The following SZT2 variants were observed in gnomAD, a reference collection of about 807,000 sequenced individuals.
SZT2 encodes the protein SZT2 subunit of KICSTOR complex, also known as KICSTOR complex protein SZT2.
In SZT2, 216 loss-of-function variants were observed where a neutral mutation model predicts 404.2. The observed-to-expected ratio is 0.53, with a 90% CI of 0.48 to 0.60. The LOEUF (loss-of-function observed/expected upper bound fraction) is 0.60, where lower values mean the gene tolerates loss of function less well. Among genes scored for constraint, SZT2 ranks in the 20% least tolerant of loss-of-function variants. The pLI is 0.00. For synonymous variants in SZT2, 1,693 were observed against 1,749.9 expected (o/e 0.97, Z 0.81); for missense variants, 3,857 against 4,459.2 (o/e 0.86, Z 3.85).
rs1029458781 is a variant in SZT2, at chr1:43,452,934, C to G, written c.*2454C>G. 6.2e-7 allele frequency: 1 copy of G among 1,608,392 alleles called. No homozygotes were observed. ...AGCCTCAGGAACGCTGCCAAATACA[C>G]CAGGCCTCCTCTTGCCACAGCACCC... On this transcript the variant is annotated 3_prime_UTR_variant, in exon 72 of 72. Transcript: ENST00000634258.
At chr1:43,393,814 T>A (rs1222583470) in intron 1 of SZT2, among the ~76,000 whole-genome samples, 1 of 152,224 alleles carries the variant, frequency 6.6e-6, no homozygotes, top group Non-Finnish European at 1.5e-5. Flanking sequence ...TTGGTATAAA[T>A]GGTATGTAGA....
intron 6 of SZT2, among the ~76,000 whole-genome samples, 170 bp downstream of exon 6, chr1:43,416,271 C>T (rs2153931588): frequency 6.6e-6 from 1 of 152,228 alleles, no homozygotes; most frequent in African/African-American, 2.4e-5. Flanking sequence ...GAACCCTCGA[C>T]TCTGACAACC....
At chr1:43,401,547 T>C (rs902744004) in intron 1 of SZT2, among the ~76,000 whole-genome samples, 2 of 152,014 alleles carry the variant, frequency 1.3e-5, no homozygotes, top group Admixed American at 6.6e-5. Flanking sequence ...AGTGCAGTGG[T>C]GTGATCTCGG....
chr1:43,429,610 A>G (rs780142857), intron 28 of SZT2, 93 bp from the exon 29 acceptor site: 54 of 1,532,086 alleles, frequency 3.5e-5, no homozygotes, highest in Non-Finnish European at 4.5e-5. Flanking sequence ...CTGTGGACAA[A>G]AAGGCTTCCT....
intron 1 of SZT2, among the ~76,000 whole-genome samples, chr1:43,401,765 C>T (rs191792320): frequency 3.4e-4 from 52 of 152,354 alleles, no homozygotes; most frequent in Non-Finnish European, 4.4e-4. Flanking sequence ...GGATTACAGG[C>T]ATGAGCCACT....
rs755978530 is a variant in SZT2 at position 43,442,154 on chromosome 1, G to A, written c.7873+24G>A. 111 of 1,571,952 alleles carry A rather than the reference G, an allele frequency of 7.1e-5. No homozygotes were observed. Among genetic ancestry groups the A allele is most frequent in the Non-Finnish European group, 9.1e-5 (104 of 1,144,524 alleles). ...GGGTGAGGGCATGGCCCGGGGGGGC[G>A]GGGGGCGGGTAGGCTAAGAGTAACT... On this transcript the variant is annotated intron_variant, in intron 56 of 71. Transcript: ENST00000634258. This position sits in a 1 kb window ranked among gnomAD's most constrained non-coding sequence, Gnocchi z 4.5.
At position 43,451,518 on chromosome 1, in the gene SZT2, C is replaced by G; in HGVS notation, c.*1038C>G. ...CCGGGGCTGCTGGGCTCCCCTCGGC[C>G]TGGGACCTGTGCCACCTGCACATGC... On this transcript the variant is annotated 3_prime_UTR_variant, in exon 72 of 72. Coordinates refer to ENST00000634258, the MANE Select transcript of SZT2 (RefSeq NM_001365999.1). 1.9e-6 allele frequency: 3 copies of G among 1,614,146 alleles called. No homozygotes were observed. In the East Asian group the frequency reaches 6.7e-5, roughly 36 times the overall value.
chr1:43,422,573 G>T lies in SZT2; in HGVS notation c.1863G>T (p.Leu621=). 6.3e-7 allele frequency: 1 copy of T among 1,598,096 alleles called. No individual in the cohort carries two copies. The highest frequency in any genetic ancestry group is 8.5e-7 in the Non-Finnish European group (1 of 1,179,708). Residue 621 remains leucine, a synonymous_variant, in exon 13 of 72, where the codon CTG becomes CTT. Transcript: ENST00000634258. ...CCCACTCCTCCCTGACCTCTCTGCTGCGGGACTGGAGCAGCTTCGTACTAG... is the reference window on the plus strand; with the variant it reads ...CCCACTCCTCCCTGACCTCTCTGCTTCGGGACTGGAGCAGCTTCGTACTAG... ...RISHSSLTSL[L]RDWSSFVLVE...
intron 4 of SZT2, among the ~76,000 whole-genome samples, chr1:43,408,529 G>A (rs1004290692): frequency 6.6e-6 from 1 of 152,174 alleles, no homozygotes; most frequent in Non-Finnish European, 1.5e-5. Flanking sequence ...GCCTCCCAAA[G>A]TACTGGGATT....
chr1:43,404,289 A>G, intron 3 of SZT2, 91 bp from the exon 4 acceptor site: 1 of 1,072,938 alleles, frequency 9.3e-7, no homozygotes, highest in Non-Finnish European at 1.4e-6. Context: ...CCATAAGTTA[A>G]GTGTCCTACT....
intron 1 of SZT2, among the ~76,000 whole-genome samples, chr1:43,402,020 G>T (rs1649748049): frequency 6.6e-6 from 1 of 152,062 alleles, no homozygotes; most frequent in Non-Finnish European, 1.5e-5. Context: ...GTTTTCCAGG[G>T]CTTTTTCAGT....
intron 3 of SZT2, 110 bp from the exon 4 acceptor site, chr1:43,404,270 T>A (rs1345854331): frequency 2.2e-6 from 2 of 901,654 alleles, no homozygotes; most frequent in African/African-American, 3.3e-5. Flanking sequence ...TATTTGGGTG[T>A]GCGATCATCC....
At position 43,441,402 on chromosome 1, in the gene SZT2, G is replaced by T. The variant is rs771484671; in HGVS notation, c.7511+22G>T. 1.2e-6 allele frequency: 2 copies of T among 1,613,120 alleles called. No homozygotes were observed. The highest frequency in any genetic ancestry group is 1.7e-6 in the Non-Finnish European group (2 of 1,179,444). ...AAAAGTATGTGTGTGGTGGTGGTGT[G>T]CCCTGGGAGGGTATGGGTGTGAAGT... On this transcript the variant is annotated intron_variant, in intron 53 of 71. Transcript: ENST00000634258. The surrounding 1 kb of genome is among the most constrained non-coding windows in gnomAD (Gnocchi z 4.8).
intron 10 of SZT2, 64 bp from the exon 11 acceptor site, chr1:43,421,110 A>G (rs1176793599): frequency 2.5e-6 from 4 of 1,596,552 alleles, no homozygotes; most frequent in Non-Finnish European, 3.4e-6. Flanking sequence ...ATGTCCCCCT[A>G]AGGCTCCCCT....
intron 1 of SZT2, among the ~76,000 whole-genome samples, chr1:43,391,483 T>C (rs1030550950): frequency 6.6e-6 from 1 of 152,198 alleles, no homozygotes; most frequent in Admixed American, 6.5e-5. Context: ...TTTGGTGTGG[T>C]AAGACCCAAC....
At chr1:43,438,838 C>A (rs1340681268) in intron 47 of SZT2, 21 bp downstream of exon 47, 1 of 1,611,568 alleles carries the variant, frequency 6.2e-7, no homozygotes, top group Admixed American at 1.7e-5. Context: ...CTCTAGGCAC[C>A]AGCATCCTTC....
Position 43,423,100 on chromosome 1 carries a change from T to C in SZT2, c.2039T>C (p.Ile680Thr), listed in dbSNP as rs1489949685. The C allele has an allele frequency of 1.3e-6, 2 of 1,587,330 alleles. No homozygotes were observed. Among genetic ancestry groups the C allele is most frequent in the East Asian group, 4.5e-5 (2 of 44,430 alleles). Residue 680 changes from isoleucine (I) to threonine (T), a missense_variant and splice_region_variant, in exon 15 of 72, where the codon ATT becomes ACT. Coordinates refer to ENST00000634258, the MANE Select transcript of SZT2 (RefSeq NM_001365999.1). ...GATGTGACCACATTTTCCCCTCAGATTGTGTCAGGCTTGAGGGAAGAGATC... is the reference window on the plus strand; with the variant it reads ...GATGTGACCACATTTTCCCCTCAGACTGTGTCAGGCTTGAGGGAAGAGATC... ...IGTPAPARHK[I>T]VSGLREEILR...
chr1:43,423,371 G>A (rs905525547), intron 15 of SZT2, 55 bp downstream of exon 15: 222 of 1,479,016 alleles, frequency 1.5e-4, no homozygotes, highest in Non-Finnish European at 1.8e-4. Flanking sequence ...TGGTACAGAG[G>A]TGTGGAGGGC....
At position 43,440,006 on chromosome 1, in the gene SZT2, C is replaced by T. The variant is rs1654892170; in HGVS notation, c.7168C>T (p.Gln2390Ter). 6.2e-7 allele frequency: 1 copy of T among 1,614,012 alleles called. No individual in the cohort carries two copies. The highest frequency in any genetic ancestry group is 8.5e-7 in the Non-Finnish European group (1 of 1,180,000). The change falls in exon 51 of 72, where the codon CAG (glutamine) becomes TAG (stop). Residue 2390 changes from glutamine (Q) to a stop codon, truncating the protein, a stop_gained. Coordinates refer to ENST00000634258, the MANE Select transcript of SZT2 (RefSeq NM_001365999.1). LOFTEE classifies it high-confidence loss of function. Reference sequence around the variant, plus strand: ...CCTGGCCGATGCCATCATCGAGCTTCAGCTGCTGCCAGCTTCACTATGTAC... The same window carrying T: ...CCTGGCCGATGCCATCATCGAGCTTTAGCTGCTGCCAGCTTCACTATGTAC... Reference protein sequence around the residue: ...QALADAIIELQLLPASLCTED... With the variant: ...QALADAIIEL
Sources: gnomAD v4.1 joint callset for allele counts (sites outside exome capture counted in the v4.1 genomes callset) on GRCh38, gnomAD v4.1.1 for gene constraint, Gnocchi (gnomAD v3.1) non-coding constraint, MANE v1.5 for transcripts, NCBI Gene and HGNC (gene_info 2026-07-23, HGNC 2026-07-21) for gene names.